UBE3D: variants seen among roughly 807,000 people sequenced by gnomAD.
The protein encoded by UBE3D is ubiquitin protein ligase E3D, also known as E3 ubiquitin-protein ligase E3D.
In UBE3D, 48 loss-of-function variants were observed where a neutral mutation model predicts 49.6. That is an observed-to-expected ratio of 0.97 (90% CI 0.77 to 1.23). The LOEUF (loss-of-function observed/expected upper bound fraction) is 1.23. Ranked by LOEUF, UBE3D falls within the 50% of genes most tolerant of loss-of-function variation. The pLI is 0.00. For missense variants in UBE3D, 452 were observed against 468.4 expected, an observed-to-expected ratio of 0.96 and a Z score of 0.32; for synonymous variants, 189 against 174.2, an observed-to-expected ratio of 1.08 and a Z score of -0.67.
At chr6:83,024,754 A>G (rs1160775269) in intron 5 of UBE3D, among the ~76,000 whole-genome samples, 1 of 152,154 alleles carries the variant, frequency 6.6e-6, no homozygotes, top group Non-Finnish European at 1.5e-5. Context: ...AGGTGTGATT[A>G]TTTCCTTTTC....
intron 9 of UBE3D, among the ~76,000 whole-genome samples, chr6:82,950,078 C>A (rs1775677072): frequency 1.3e-5 from 2 of 152,094 alleles, no homozygotes; most frequent in African/African-American, 2.4e-5. Context: ...GAAGAGACAA[C>A]TCACAGAATG....
At chr6:82,904,262 T>C (rs1235918053) in intron 9 of UBE3D, among the ~76,000 whole-genome samples, 3 of 152,156 alleles carry the variant, frequency 2.0e-5, no homozygotes, top group Non-Finnish European at 2.9e-5. Context: ...AAGGAAACAA[T>C]ATTATTCAAG....
intron 8 of UBE3D, among the ~76,000 whole-genome samples, chr6:82,993,384 A>T (rs1779030884): frequency 6.6e-6 from 1 of 152,150 alleles, no homozygotes; most frequent in South Asian, 2.1e-4. Flanking sequence ...ATATACAGTC[A>T]TCCCTCAGTA....
Position 83,044,436 on chromosome 6 carries a change from A to G in UBE3D, c.589T>C (p.Cys197Arg). ...EMCCVSSDNH[C>R]KLEPKANTKV... ...TTGAAATGATATTTTACCAATTTAC[A>G]ATGGTTGTCAGAAGAAACACAGCAC... Residue 197 changes from cysteine (C) to arginine (R), a missense_variant, in exon 4 of 10, where the codon TGT (cysteine) becomes CGT (arginine). Cys to Arg is a radical substitution (Grantham distance 180). Transcript: ENST00000369747. 1.2e-6 allele frequency: 2 copies of G among 1,613,942 alleles called. No individual in the cohort carries two copies. Among genetic ancestry groups the G allele is most frequent in the East Asian group, 4.5e-5 (2 of 44,882 alleles).
intron 5 of UBE3D, among the ~76,000 whole-genome samples, chr6:83,025,435 G>T (rs959466097): frequency 9.0e-5 from 1 of 11,172 alleles, no homozygotes; most frequent in Non-Finnish European, 6.6e-4. Flanking sequence ...ATCAAAATAA[G>T]ATTTTTTTTT....
rs760959593 is a variant in UBE3D, at chr6:83,023,871, A to C, written c.737+98T>G. 5 of 768,644 alleles carry C rather than the reference A, an allele frequency of 6.5e-6. No homozygotes were observed. The Admixed American group carries it at 1.7e-4, about 26-fold the overall frequency. The allele number at this position is 768,644 out of a possible 1,614,324, so 47.6% of individuals were successfully genotyped here. A position where few individuals can be genotyped will look rare whatever the true frequency, so the allele number is the denominator to read the frequency against. On this transcript the variant is annotated intron_variant, in intron 6 of 9. Coordinates refer to ENST00000369747, the MANE Select transcript of UBE3D (RefSeq NM_198920.3). ...ATCATCTGTTCCCAAAAACCTATTA[A>C]AATAAAAAATAAATTCAAAACCAAA...
At position 82,957,105 on chromosome 6, in the gene UBE3D, G is replaced by A. The variant is rs148551913; in HGVS notation, c.1149+207C>T. The stretch of plus-strand genomic sequence containing the variant: ...GATTGCACCACTTCACTCCAGCCTG[G>A]GCAACAGAGAGAGTCTCTGCCTCCA... On this transcript the variant is annotated intron_variant, in intron 9 of 9. Coordinates refer to ENST00000369747, the MANE Select transcript of UBE3D (RefSeq NM_198920.3). Among the ~76,000 whole-genome samples the A allele has an allele frequency of 1.2e-3, 176 of 152,098 alleles. 5 individuals carry two copies. The East Asian group carries it at 0.029, about 25-fold the overall frequency.
At chr6:82,958,410 A>AT (rs1439982746) in intron 8 of UBE3D, among the ~76,000 whole-genome samples, 2 of 151,884 alleles carry the variant, frequency 1.3e-5, no homozygotes, top group South Asian at 2.1e-4. Flanking sequence ...ATATACATGT[A>AT]TTTTTTGCCA....
At chr6:82,931,612 T>C (rs559107255) in intron 9 of UBE3D, among the ~76,000 whole-genome samples, 2 of 152,374 alleles carry the variant, frequency 1.3e-5, no homozygotes, top group African/African-American at 4.8e-5. Flanking sequence ...TAAGGTTTAA[T>C]AAATGCCCTA....
At chr6:83,011,048 TAAG>T (rs1260685729) in intron 8 of UBE3D, among the ~76,000 whole-genome samples, 1 of 152,082 alleles carries the variant, frequency 6.6e-6, no homozygotes, top group African/African-American at 2.4e-5. Context: ...AAAACAATAA[TAAG>T]GTCATAATTA....
chr6:82,980,843 T>C (rs970025505), intron 8 of UBE3D, among the ~76,000 whole-genome samples: 2 of 152,070 alleles, frequency 1.3e-5, no homozygotes, highest in South Asian at 2.1e-4. Context: ...ATTTTTGTCA[T>C]CTTTGTCAAA....
At chr6:82,930,876 G>A (rs1453438261) in intron 9 of UBE3D, among the ~76,000 whole-genome samples, 5 of 152,224 alleles carry the variant, frequency 3.3e-5, no homozygotes, top group Non-Finnish European at 5.9e-5. Flanking sequence ...AAATTTGCGT[G>A]AGAAACAAGG....
chr6:82,896,105 G>A (rs572333894), intron 9 of UBE3D, among the ~76,000 whole-genome samples: 10 of 152,260 alleles, frequency 6.6e-5, no homozygotes, highest in African/African-American at 2.2e-4. Flanking sequence ...AACAGGTACT[G>A]TACAATGCAT....
chr6:82,985,096 C>T (rs763615671), intron 8 of UBE3D, among the ~76,000 whole-genome samples: 2 of 147,084 alleles, frequency 1.4e-5, no homozygotes, highest in Non-Finnish European at 3.0e-5. Context: ...AAGTGATCCT[C>T]CCACCTGGCC....
In UBE3D at chr6:82,907,702, A is replaced by T. The variant is rs552544968; in HGVS notation, c.1150-14660T>A. 1.1e-4 allele frequency among the ~76,000 whole-genome samples: 17 copies of T among 152,352 alleles called. No individual in the cohort carries two copies. In the South Asian group the frequency reaches 3.5e-3, roughly 32 times the overall value. ...CATCACCAAATGATGTCACTGATGAAGACACGGAACAGCCGGAGCTCTCAG... is the reference window on the plus strand; with the variant it reads ...CATCACCAAATGATGTCACTGATGATGACACGGAACAGCCGGAGCTCTCAG... On this transcript the variant is annotated intron_variant, in intron 9 of 9. Transcript: ENST00000369747.
chr6:82,969,285 C>T (rs1321983395), intron 8 of UBE3D, among the ~76,000 whole-genome samples: 1 of 151,984 alleles, frequency 6.6e-6, no homozygotes, highest in East Asian at 1.9e-4. Flanking sequence ...AAAAACCTTC[C>T]TCTTTTACAA....
chr6:82,905,407 A>G (rs1772028595), intron 9 of UBE3D, among the ~76,000 whole-genome samples: 1 of 152,136 alleles, frequency 6.6e-6, no homozygotes, highest in Admixed American at 6.6e-5. Flanking sequence ...GGGCACCACA[A>G]ATCATGCCCA....
chr6:83,062,100 C>T (rs951993175), intron 1 of UBE3D, among the ~76,000 whole-genome samples: 1 of 148,928 alleles, frequency 6.7e-6, no homozygotes, highest in Non-Finnish European at 1.5e-5. Context: ...TATTCTCTGC[C>T]GCCTCTTCTC....
At chr6:83,011,054 C>T (rs1780303261) in intron 8 of UBE3D, among the ~76,000 whole-genome samples, 1 of 152,180 alleles carries the variant, frequency 6.6e-6, no homozygotes, top group South Asian at 2.1e-4. Flanking sequence ...ATAATAAGGT[C>T]ATAATTACGC....
Sources: gnomAD v4.1 joint callset for allele counts (sites outside exome capture counted in the v4.1 genomes callset) on GRCh38, gnomAD v4.1.1 for gene constraint, MANE v1.5 for transcripts, NCBI Gene and HGNC (gene_info 2026-07-23, HGNC 2026-07-21) for gene names.